Variants in ACOXL observed in about 807,000 individuals in gnomAD.
ACOXL encodes acyl-CoA oxidase like, also known as acyl-coenzyme A oxidase-like protein.
Under a neutral mutation model 71.9 loss-of-function variants are expected in ACOXL, and 70 were observed. The ratio of observed to expected loss-of-function variants is 0.97; its 90% CI spans 0.80 to 1.19. The LOEUF (loss-of-function observed/expected upper bound fraction) is 1.19, where lower values mean the gene tolerates loss of function less well. Among genes scored for constraint, ACOXL ranks in the 50% most tolerant of loss-of-function variants. The pLI is 0.00. For missense variants in ACOXL, 703 were observed against 736.3 expected, an observed-to-expected ratio of 0.95 and a Z score of 0.52; for synonymous variants, 253 against 281.6, an observed-to-expected ratio of 0.90 and a Z score of 1.02.
intron 1 of ACOXL, among the ~76,000 whole-genome samples, chr2:110,734,647 T>G (rs1175853112): frequency 6.6e-6 from 1 of 152,076 alleles, no homozygotes; most frequent in African/African-American, 2.4e-5. Flanking sequence ...ACACATCCCC[T>G]CCTATATTCC....
At chr2:111,027,405 T>G (rs1228368028) in intron 14 of ACOXL, among the ~76,000 whole-genome samples, 1 of 151,396 alleles carries the variant, frequency 6.6e-6, no homozygotes, top group Non-Finnish European at 1.5e-5. Context: ...CACTACAACC[T>G]CCACCTCCTG....
chr2:110,861,485 C>T (rs1157965234), intron 10 of ACOXL, among the ~76,000 whole-genome samples: 3 of 152,112 alleles, frequency 2.0e-5, no homozygotes, highest in Non-Finnish European at 4.4e-5. Flanking sequence ...TGGCTGCTTT[C>T]AGGGCTTTAT....
intron 1 of ACOXL, among the ~76,000 whole-genome samples, chr2:110,746,982 T>G (rs1213143210): frequency 6.6e-6 from 1 of 152,104 alleles, no homozygotes; most frequent in African/African-American, 2.4e-5. Flanking sequence ...AGGATTGCAA[T>G]GTACTGTGGG....
chr2:111,065,413 T>C (rs2067016709), intron 16 of ACOXL, among the ~76,000 whole-genome samples: 2 of 152,220 alleles, frequency 1.3e-5, no homozygotes, highest in Admixed American at 6.5e-5. Context: ...GCAAAAACTT[T>C]AGAAGTAAAC....
chr2:110,943,063 A>AGAAAGAAAAG (rs2060939242), intron 12 of ACOXL, among the ~76,000 whole-genome samples: 2 of 138,616 alleles, frequency 1.4e-5, no homozygotes, highest in African/African-American at 5.4e-5. Context: ...AAGAAAAGGA[A>AGAAAGAAAAG]GAAGGAAGGA....
At chr2:111,049,040 T>A (rs1054902666) in intron 15 of ACOXL, among the ~76,000 whole-genome samples, 178 bp from the exon 16 acceptor site, 3 of 152,084 alleles carry the variant, frequency 2.0e-5, no homozygotes, top group Non-Finnish European at 4.4e-5. Context: ...GGTGGAGAAG[T>A]CACTGTACGG....
intron 12 of ACOXL, among the ~76,000 whole-genome samples, chr2:110,950,607 C>T (rs1198056933): frequency 6.6e-6 from 1 of 152,122 alleles, no homozygotes; most frequent in Non-Finnish European, 1.5e-5. Flanking sequence ...TGGGCCAGTT[C>T]AGTCCAGAAG....
At chr2:111,105,409 T>C (rs1424355598) in intron 17 of ACOXL, among the ~76,000 whole-genome samples, 1 of 152,056 alleles carries the variant, frequency 6.6e-6, no homozygotes, top group Non-Finnish European at 1.5e-5. Flanking sequence ...AACCTGTAAG[T>C]TAATTTGAGG....
rs754406612 is a variant in ACOXL at position 110,794,130 on chromosome 2, G to A, written c.301G>A (p.Ala101Thr). ...GACCGAGAGGGGCCATGGGAGCAACGCGAGAGGGATCCAGACCGAAGCCAC... is the reference window on the plus strand; with the variant it reads ...GACCGAGAGGGGCCATGGGAGCAACACGAGAGGGATCCAGACCGAAGCCAC... ...AMTERGHGSN[A>T]RGIQTEATFD... is the part of the protein sequence containing the mutation. Residue 101 changes from alanine to threonine, a missense_variant, in exon 5 of 18, where the codon GCG (alanine) becomes ACG (threonine). By Grantham distance (58) the Ala-to-Thr change is moderately conservative. Transcript: ENST00000439055. 2 of 1,614,174 alleles carry A rather than the reference G, an allele frequency of 1.2e-6. No homozygotes were observed. Among genetic ancestry groups the A allele is most frequent in the East Asian group, 2.2e-5 (1 of 44,874 alleles).
chr2:110,959,913 G>A (rs1256974114), intron 12 of ACOXL, among the ~76,000 whole-genome samples: 1 of 152,210 alleles, frequency 6.6e-6, no homozygotes, highest in Non-Finnish European at 1.5e-5. Flanking sequence ...GGCAGGGGTT[G>A]GGGACAGGTG....
chr2:111,012,977 A>T (rs1439744037), intron 14 of ACOXL, among the ~76,000 whole-genome samples: 4 of 152,234 alleles, frequency 2.6e-5, no homozygotes. Flanking sequence ...CAAACTATAG[A>T]GCAAATCAAT....
intron 2 of ACOXL, among the ~76,000 whole-genome samples, chr2:110,770,039 T>C (rs903441455): frequency 6.6e-6 from 1 of 151,878 alleles, no homozygotes; most frequent in Non-Finnish European, 1.5e-5. Flanking sequence ...TGAGACCCTG[T>C]CTCAAAATGA....
chr2:111,018,712 G>GGT (rs1553458301), intron 14 of ACOXL, among the ~76,000 whole-genome samples: 2 of 105,282 alleles, frequency 1.9e-5, no homozygotes, highest in Non-Finnish European at 1.7e-5. Context: ...AGAGGCTGGA[G>GGT]GGGGTGTTGG....
chr2:110,913,661 A>T (rs2059730402), intron 11 of ACOXL, among the ~76,000 whole-genome samples: 1 of 152,174 alleles, frequency 6.6e-6, no homozygotes, highest in Non-Finnish European at 1.5e-5. Flanking sequence ...AGGCTGGGTA[A>T]TTAATGAAGA....
chr2:110,906,074 C>A (rs2059430310), intron 10 of ACOXL, among the ~76,000 whole-genome samples: 1 of 152,166 alleles, frequency 6.6e-6, no homozygotes, highest in South Asian at 2.1e-4. Context: ...TCAGATCTGG[C>A]ATCCAAAGAC....
chr2:111,063,515 A>G (rs1016594899), intron 16 of ACOXL, among the ~76,000 whole-genome samples: 5 of 151,462 alleles, frequency 3.3e-5, no homozygotes, highest in African/African-American at 9.7e-5. Flanking sequence ...GGAAAAAGAG[A>G]AAAAAAAATC....
chr2:110,783,194 T>C (rs1054657275), intron 2 of ACOXL, among the ~76,000 whole-genome samples: 3 of 152,218 alleles, frequency 2.0e-5, no homozygotes, highest in Non-Finnish European at 4.4e-5. Flanking sequence ...CAGTCTTTCC[T>C]GTCCTGTTAG....
chr2:111,024,398 A>G (rs547772224), intron 14 of ACOXL, among the ~76,000 whole-genome samples: 1 of 152,280 alleles, frequency 6.6e-6, no homozygotes, highest in South Asian at 2.1e-4. Context: ...AGAAGGCTTT[A>G]TGCTGGTGGA....
In ACOXL at chr2:111,104,912, C is replaced by T. The variant is rs538611081; in HGVS notation, c.1542+11946C>T. 9.2e-5 allele frequency among the ~76,000 whole-genome samples: 14 copies of T among 152,152 alleles called. No homozygotes were observed. In the South Asian group the frequency reaches 2.9e-3, roughly 32 times the overall value. On this transcript the variant is annotated intron_variant, in intron 17 of 17. Transcript: ENST00000439055. ...AAAACTTTTCACCTATTCCTAGATC[C>T]TGAAGGTATTATCCTATGGGCTTTA...
Sources: allele counts gnomAD v4.1 joint callset (sites outside exome capture counted in the v4.1 genomes callset), GRCh38; gene constraint gnomAD v4.1.1; transcripts MANE v1.5; gene names NCBI Gene and HGNC (gene_info 2026-07-23, HGNC 2026-07-21).